The following LPAR3 variants were observed in gnomAD, a reference collection of about 807,000 sequenced individuals.
LPAR3 encodes lysophosphatidic acid receptor 3.
LPAR3 carries 7 observed loss-of-function variants against 17.8 expected under a neutral mutation model. The observed-to-expected ratio is 0.39, with a 90% CI of 0.22 to 0.74. The LOEUF (loss-of-function observed/expected upper bound fraction) is 0.74, where lower values mean the gene tolerates loss of function less well. Among genes scored for constraint, LPAR3 ranks in the 30% least tolerant of loss-of-function variants. The pLI is 0.40. For missense variants in LPAR3, 391 were observed against 453.4 expected (o/e 0.86, Z 1.25); for synonymous variants, 179 against 179.9 (o/e 0.99, Z 0.04).
At chr1:84,816,074 G>T (rs1658926480) in intron 2 of LPAR3, among the ~76,000 whole-genome samples, 1 of 152,144 alleles carries the variant, frequency 6.6e-6, no homozygotes, top group Non-Finnish European at 1.5e-5. Context: ...ACTGACTTTA[G>T]GCTAGGTCTG....
At chr1:84,831,460 A>G (rs1659281278) in intron 2 of LPAR3, among the ~76,000 whole-genome samples, 1 of 152,146 alleles carries the variant, frequency 6.6e-6, no homozygotes, top group Admixed American at 6.6e-5. Flanking sequence ...CATCTCTAAA[A>G]AAATAAAATA....
intron 1 of LPAR3, among the ~76,000 whole-genome samples, chr1:84,884,085 T>C (rs966633728): frequency 6.6e-6 from 1 of 152,230 alleles, no homozygotes; most frequent in Non-Finnish European, 1.5e-5. Flanking sequence ...GGAAATGTTA[T>C]TACTTCTTTA....
chr1:84,846,620 T>C (rs1016123821), intron 2 of LPAR3, among the ~76,000 whole-genome samples: 1 of 152,164 alleles, frequency 6.6e-6, no homozygotes. Flanking sequence ...CAGGTCACTG[T>C]AAGAGGTCAG....
At chr1:84,846,832 TAA>T (rs1208111290) in intron 2 of LPAR3, among the ~76,000 whole-genome samples, 1 of 152,064 alleles carries the variant, frequency 6.6e-6, no homozygotes, top group Non-Finnish European at 1.5e-5. Flanking sequence ...CAAAAAATTG[TAA>T]AGTCTTTTTA....
intron 2 of LPAR3, among the ~76,000 whole-genome samples, chr1:84,863,360 A>C (rs535796674): frequency 6.6e-6 from 1 of 152,330 alleles, no homozygotes; most frequent in South Asian, 2.1e-4. Flanking sequence ...CAAGATCAGC[A>C]CAAGTCCACC....
At chr1:84,868,382 T>G (rs1402963755) in intron 1 of LPAR3, among the ~76,000 whole-genome samples, 1 of 152,168 alleles carries the variant, frequency 6.6e-6, no homozygotes, top group Non-Finnish European at 1.5e-5. Flanking sequence ...AGTGCTGAGA[T>G]TACAAGCATG....
At chr1:84,817,483 A>G (rs1343209441) in intron 2 of LPAR3, among the ~76,000 whole-genome samples, 1 of 152,086 alleles carries the variant, frequency 6.6e-6, no homozygotes, top group East Asian at 1.9e-4. Context: ...CTCTTCTGAG[A>G]TGTGTTTGGA....
chr1:84,823,500 G>A (rs779714842), intron 2 of LPAR3, among the ~76,000 whole-genome samples: 14 of 152,070 alleles, frequency 9.2e-5, no homozygotes, highest in African/African-American at 3.1e-4. Context: ...TAACACTATC[G>A]TTACTAGTGT....
intron 2 of LPAR3, among the ~76,000 whole-genome samples, chr1:84,839,142 G>T (rs1190913519): frequency 6.6e-6 from 1 of 152,110 alleles, no homozygotes; most frequent in Non-Finnish European, 1.5e-5. Context: ...TTAAGAAACT[G>T]GCACCATTTA....
intron 1 of LPAR3, among the ~76,000 whole-genome samples, chr1:84,888,600 G>C (rs561525058): frequency 6.6e-6 from 1 of 152,186 alleles, no homozygotes; most frequent in African/African-American, 2.4e-5. Flanking sequence ...GATGTGCTTC[G>C]GGATAGCTTG....
intron 2 of LPAR3, among the ~76,000 whole-genome samples, chr1:84,824,223 T>A (rs1177797057): frequency 6.6e-6 from 1 of 152,088 alleles, no homozygotes; most frequent in Non-Finnish European, 1.5e-5. Flanking sequence ...GGAGTATGAA[T>A]GAAGTGGCAG....
chr1:84,866,069 TGC>T lies in LPAR3; in HGVS notation c.50_51del (p.Ser17LysfsTer3), dbSNP rs1660042294. ...DKHMDFFYNR[S>X]NTDTVDDWTG... ...GTCCAGTCATCGACAGTATCAGTGT[TGC>T]TCCTATTATAAAAAAAGTCCATGTG... On this transcript the variant is annotated frameshift_variant, in exon 2 of 3. Transcript: ENST00000370611. LOFTEE classifies it high-confidence loss of function. 6.2e-7 allele frequency: 1 copy of T among 1,606,228 alleles called. No individual in the cohort carries two copies. The highest frequency in any genetic ancestry group is 1.7e-5 in the Admixed American group (1 of 58,290).
At chr1:84,854,973 C>T (rs1306558488) in intron 2 of LPAR3, among the ~76,000 whole-genome samples, 1 of 152,170 alleles carries the variant, frequency 6.6e-6, no homozygotes, top group Non-Finnish European at 1.5e-5. Flanking sequence ...ATCTTTCCGC[C>T]ACATACTCTG....
At position 84,839,295 on chromosome 1, in the gene LPAR3, C is replaced by T. The variant is rs115006339; in HGVS notation, c.737-25124G>A. On this transcript the variant is annotated intron_variant, in intron 2 of 2. Transcript: ENST00000370611. ...AATGATCTGTTTTCCCAATTTTTTG[C>T]ACCACAGACTGTAGGTTCTTAAGGG... is the stretch of plus-strand genomic sequence containing the variant. Among the ~76,000 whole-genome samples, 791 of 152,252 alleles carry T rather than the reference C, an allele frequency of 5.2e-3. 9 individuals are homozygous for T. The highest frequency in any genetic ancestry group is 0.017 in the African/African-American group (697 of 41,554).
At chr1:84,878,020 G>GA (rs11435702) in intron 1 of LPAR3, among the ~76,000 whole-genome samples, 77,572 of 146,774 alleles carry the variant, frequency 0.53, 20,302 homozygotes, top group African/African-American at 0.61. Flanking sequence ...GGGTATTCTT[G>GA]AAAAAAAAAA....
chr1:84,826,270 T>C (rs1304762616), intron 2 of LPAR3, among the ~76,000 whole-genome samples: 2 of 152,000 alleles, frequency 1.3e-5, no homozygotes, highest in Admixed American at 6.6e-5. Flanking sequence ...CATTTCATCA[T>C]GCTAGTATTT....
intron 1 of LPAR3, among the ~76,000 whole-genome samples, chr1:84,886,414 T>C (rs561143362): frequency 1.3e-5 from 2 of 152,152 alleles, no homozygotes; most frequent in South Asian, 4.1e-4. Context: ...GAGTCCTAGC[T>C]ACTTGGGAGG....
chr1:84,844,277 C>T (rs1270808152), intron 2 of LPAR3, among the ~76,000 whole-genome samples: 3 of 152,198 alleles, frequency 2.0e-5, no homozygotes, highest in Non-Finnish European at 4.4e-5. Flanking sequence ...TGCTGACAGG[C>T]ACTGACAGAC....
intron 1 of LPAR3, among the ~76,000 whole-genome samples, chr1:84,876,909 G>A (rs541118804): frequency 5.3e-5 from 8 of 152,170 alleles, no homozygotes; most frequent in South Asian, 4.1e-4. Context: ...CAATGTCCCC[G>A]CACAAATACC....
Sources: gnomAD v4.1 joint callset for allele counts (sites outside exome capture counted in the v4.1 genomes callset) on GRCh38, gnomAD v4.1.1 for gene constraint, MANE v1.5 for transcripts, NCBI Gene and HGNC (gene_info 2026-07-23, HGNC 2026-07-21) for gene names.